The following ME1 variants were observed in gnomAD, a reference collection of about 807,000 sequenced individuals.
ME1 encodes NADP-dependent malic enzyme.
ME1 carries 74 observed loss-of-function variants against 66.4 expected under a neutral mutation model. The ratio of observed to expected loss-of-function variants is 1.11; its 90% confidence interval spans 0.92 to 1.35. ME1 has a LOEUF of 1.35. Ranked by LOEUF, ME1 falls within the 40% of genes most tolerant of loss-of-function variation. The pLI is 0.00. For missense variants in ME1, 750 were observed against 694.1 expected (o/e 1.08, Z -0.90); for synonymous variants, 251 against 235.6 (o/e 1.07, Z -0.60).
chr6:83,216,683 T>A, intron 12 of ME1, 87 bp from the exon 13 acceptor site: 1 of 794,420 alleles, frequency 1.3e-6, no homozygotes, highest in Non-Finnish European at 2.0e-6. Flanking sequence ...AACGGTTACA[T>A]ATAATGGTCT....
At chr6:83,426,118 T>TATC (rs1770366932) in intron 1 of ME1, among the ~76,000 whole-genome samples, 1 of 152,194 alleles carries the variant, frequency 6.6e-6, no homozygotes, top group African/African-American at 2.4e-5. Flanking sequence ...CCAGATGCTA[T>TATC]ATCACACAGC....
intron 3 of ME1, among the ~76,000 whole-genome samples, chr6:83,362,150 T>C (rs1769017675): frequency 6.6e-6 from 1 of 152,212 alleles, no homozygotes; most frequent in South Asian, 2.1e-4. Context: ...CCTCAAGCAG[T>C]GCAACTGGTT....
chr6:83,392,859 A>C, intron 3 of ME1: 1 of 771,448 alleles, frequency 1.3e-6, no homozygotes, highest in Non-Finnish European at 2.3e-6. Flanking sequence ...GATTATCAGC[A>C]ATGCCTCCTG....
chr6:83,220,845 G>A (rs946518122), intron 12 of ME1, among the ~76,000 whole-genome samples: 1 of 152,088 alleles, frequency 6.6e-6, no homozygotes, highest in Non-Finnish European at 1.5e-5. Flanking sequence ...GAAGTATATG[G>A]AAGACTCTCT....
rs148368373 is a variant in ME1 at position 83,325,876 on chromosome 6, A to C, written c.601-10463T>G. On this transcript the variant is annotated intron_variant, in intron 5 of 13. Transcript: ENST00000369705. ...ATTAGAAAAAACTACTTTAAATTTC[A>C]TATGGAACCAAAAAAGAGCCCATAT... 1.4e-4 allele frequency among the ~76,000 whole-genome samples: 21 copies of C among 151,852 alleles called. No individual in the cohort carries two copies. In the East Asian group the frequency reaches 4.1e-3, roughly 30 times the overall value.
chr6:83,226,216 G>C (rs1583327565), intron 11 of ME1, among the ~76,000 whole-genome samples: 1 of 152,080 alleles, frequency 6.6e-6, no homozygotes, highest in East Asian at 1.9e-4. Context: ...TGATAAGAAA[G>C]AGTTGAGGCA....
intron 4 of ME1, among the ~76,000 whole-genome samples, chr6:83,350,465 G>A (rs1282498247): frequency 6.6e-6 from 1 of 152,044 alleles, no homozygotes; most frequent in African/African-American, 2.4e-5. Context: ...GTTAATTCTT[G>A]TTTGTTTGTT....
At chr6:83,368,214 A>T (rs1769135185) in intron 3 of ME1, among the ~76,000 whole-genome samples, 2 of 151,966 alleles carry the variant, frequency 1.3e-5, no homozygotes, top group Admixed American at 1.3e-4. Context: ...CAGATATAAG[A>T]TCACTATAAA....
intron 6 of ME1, among the ~76,000 whole-genome samples, chr6:83,304,508 T>C (rs1478888592): frequency 6.6e-6 from 1 of 152,202 alleles, no homozygotes; most frequent in Non-Finnish European, 1.5e-5. Flanking sequence ...AACAAAACTT[T>C]AACAATAGCT....
At chr6:83,340,731 A>T (rs1410864543) in intron 5 of ME1, among the ~76,000 whole-genome samples, 1 of 152,056 alleles carries the variant, frequency 6.6e-6, no homozygotes, top group Non-Finnish European at 1.5e-5. Context: ...TCTTTTTAAA[A>T]ACTGAAATGT....
At chr6:83,378,703 TGTGGCA>T (rs1442368671) in intron 3 of ME1, among the ~76,000 whole-genome samples, 1 of 151,026 alleles carries the variant, frequency 6.6e-6, no homozygotes, top group Non-Finnish European at 1.5e-5. Flanking sequence ...ACCAATTCAA[TGTGGCA>T]GTTAGCAGAT....
chr6:83,422,016 C>T (rs565495117), intron 1 of ME1, among the ~76,000 whole-genome samples: 16 of 151,988 alleles, frequency 1.1e-4, no homozygotes, highest in Non-Finnish European at 1.8e-4. Flanking sequence ...CCCAGTTTTC[C>T]GGCCATGAGG....
Position 83,398,468 on chromosome 6 carries a change from A to G in ME1, c.261T>C (p.Tyr87=), listed in dbSNP as rs1176703240. Reference sequence around the variant, plus strand: ...TCTCAATGTCAGATGTCAGCACTCTATAAAAGAGTTTTTCATTTCTATCTT... The same window carrying G: ...TCTCAATGTCAGATGTCAGCACTCTGTAAAAGAGTTTTTCATTTCTATCTT... ...DLQDRNEKLF[Y]RVLTSDIEKF... The change falls in exon 3 of 14, where the codon TAT becomes TAC. Residue 87 remains tyrosine, a synonymous_variant. Coordinates refer to ENST00000369705, the MANE Select transcript of ME1 (RefSeq NM_002395.6). The G allele has an allele frequency of 2.6e-5, 41 of 1,584,250 alleles. No homozygotes were observed. Among genetic ancestry groups the G allele is most frequent in the Non-Finnish European group, 3.3e-5 (38 of 1,160,940 alleles).
At chr6:83,395,538 T>A (rs189694447) in intron 3 of ME1, among the ~76,000 whole-genome samples, 427 of 151,646 alleles carry the variant, frequency 2.8e-3, no homozygotes, top group Non-Finnish European at 4.4e-3. Context: ...TGCAGTGGCG[T>A]GATCTCGGCT....
At chr6:83,236,876 C>G (rs1790409789) in intron 9 of ME1, among the ~76,000 whole-genome samples, 1 of 151,986 alleles carries the variant, frequency 6.6e-6, no homozygotes, top group African/African-American at 2.4e-5. Flanking sequence ...CTAGGTGTTT[C>G]ATCTGTATCA....
chr6:83,426,010 G>A (rs541000827), intron 1 of ME1, among the ~76,000 whole-genome samples: 1 of 152,252 alleles, frequency 6.6e-6, no homozygotes, highest in Non-Finnish European at 1.5e-5. Flanking sequence ...AAGCAAGAGT[G>A]GGTTCCTTTA....
At chr6:83,345,635 A>ATGTT (rs1768671618) in intron 5 of ME1, among the ~76,000 whole-genome samples, 1 of 152,132 alleles carries the variant, frequency 6.6e-6, no homozygotes, top group South Asian at 2.1e-4. Flanking sequence ...AGAGAATTCT[A>ATGTT]TGTTTAACTT....
At chr6:83,216,064 A>G (rs1390888804) in intron 13 of ME1, among the ~76,000 whole-genome samples, 1 of 152,140 alleles carries the variant, frequency 6.6e-6, no homozygotes, top group Non-Finnish European at 1.5e-5. Flanking sequence ...ATCAGTTGTG[A>G]TCTGTCATTT....
chr6:83,242,756 A>C (rs915644185), intron 7 of ME1, among the ~76,000 whole-genome samples: 7 of 152,198 alleles, frequency 4.6e-5, no homozygotes, highest in African/African-American at 1.7e-4. Context: ...AAAGGGTAGC[A>C]ACAACATTTT....
Sources: allele counts gnomAD v4.1 joint callset (sites outside exome capture counted in the v4.1 genomes callset), GRCh38; gene constraint gnomAD v4.1.1; transcripts MANE v1.5; gene names NCBI Gene and HGNC (gene_info 2026-07-23, HGNC 2026-07-21).